The following CTBP2 variants were observed in gnomAD, a reference collection of about 807,000 sequenced individuals.
CTBP2 encodes the protein C-terminal-binding protein 2.
A neutral mutation model predicts 80.3 loss-of-function variants in CTBP2; 30 were observed. That is an observed-to-expected ratio of 0.37 (90% CI 0.28 to 0.51). The LOEUF is 0.51. Among genes scored for constraint, CTBP2 ranks in the 20% least tolerant of loss-of-function variants. The probability of loss-of-function intolerance (pLI) is 0.93; values close to 1 mark genes in which losing one functional copy is unlikely to be tolerated. For synonymous variants in CTBP2, 594 were observed against 587.4 expected (o/e 1.01, Z -0.16); for missense variants, 1,212 against 1,375.3 (o/e 0.88, Z 1.88).
intron 1 of CTBP2, among the ~76,000 whole-genome samples, chr10:125,128,402 G>A (rs1447104208): frequency 8.5e-5 from 13 of 152,196 alleles, no homozygotes; most frequent in African/African-American, 2.7e-4. Context: ...GCAGGGGAAG[G>A]GAGAGACATT....
intron 1 of CTBP2, among the ~76,000 whole-genome samples, chr10:125,005,013 AC>A (rs1955042148): frequency 6.6e-6 from 1 of 152,104 alleles, no homozygotes; most frequent in African/African-American, 2.4e-5. Context: ...CTCCTGCTGG[AC>A]CACCAAGGCT....
chr10:125,125,970 C>A (rs562695130), intron 1 of CTBP2, among the ~76,000 whole-genome samples: 1 of 152,184 alleles, frequency 6.6e-6, no homozygotes, highest in Admixed American at 6.5e-5. Context: ...GCTGAGCATT[C>A]GAGAAACCAA....
intron 2 of CTBP2, among the ~76,000 whole-genome samples, chr10:125,059,424 T>G (rs927918724): frequency 1.3e-4 from 20 of 151,848 alleles, no homozygotes; most frequent in Non-Finnish European, 2.8e-4. Flanking sequence ...CTACTTAAAA[T>G]ACAAAAAATT....
At chr10:125,160,623 TC>T (rs1861786019), upstream of CTBP2, 1 of 19,030 alleles carries the variant, frequency 5.3e-5, no homozygotes, top group African/African-American at 2.2e-4. Context: ...TCCGCTCCCC[TC>T]CCCTCCCCAC....
At chr10:125,035,591 A>T (rs1274314836) in intron 3 of CTBP2, among the ~76,000 whole-genome samples, 1 of 152,248 alleles carries the variant, frequency 6.6e-6, no homozygotes, top group African/African-American at 2.4e-5. Flanking sequence ...AGCAGCTCTA[A>T]CAAAAAGTTA....
At chr10:125,029,133 C>T (rs973094784), upstream of CTBP2, among the ~76,000 whole-genome samples, 6 of 152,114 alleles carry the variant, frequency 3.9e-5, no homozygotes, top group African/African-American at 1.4e-4. Context: ...TGCATACCTG[C>T]AAGCATTAAA....
At chr10:125,014,741 G>C (rs772140347) in intron 1 of CTBP2, among the ~76,000 whole-genome samples, 5 of 152,232 alleles carry the variant, frequency 3.3e-5, no homozygotes, top group Non-Finnish European at 7.3e-5. Flanking sequence ...GTCTCGGGAA[G>C]AATGAGTTTG....
At chr10:124,993,158 A>G (rs1589907405) in intron 7 of CTBP2, 44 bp downstream of exon 9, 1 of 1,574,654 alleles carries the variant, frequency 6.4e-7, no homozygotes, top group Non-Finnish European at 8.7e-7. Context: ...TGCACTGTGG[A>G]GCTGAGGCTG....
chr10:125,026,923 G>C lies in CTBP2; in HGVS notation c.837C>G (p.Thr279=). Reference sequence around the variant, plus strand: ...TCCTCTTGCCACCAGGACCCTGGAAGGTGGACAGGTCAGCTTCGTAAGTCT... The same window carrying C: ...TCCTCTTGCCACCAGGACCCTGGAACGTGGACAGGTCAGCTTCGTAAGTCT... The change falls in exon 1 of 9, where the codon ACC becomes ACG. Residue 279 remains threonine, a synonymous_variant. Transcript: ENST00000309035. 1.2e-6 allele frequency: 2 copies of C among 1,614,080 alleles called. No individual in the cohort carries two copies. The highest frequency in any genetic ancestry group is 8.5e-7 in the Non-Finnish European group (1 of 1,180,022).
At position 124,993,275 on chromosome 10, in the gene CTBP2, A is replaced by G. The variant is rs1364823135; in HGVS notation, c.2586T>C (p.Thr862=). 2.5e-6 allele frequency: 4 copies of G among 1,610,708 alleles called. No individual in the cohort carries two copies. Among genetic ancestry groups the G allele is most frequent in the Non-Finnish European group, 2.5e-6 (3 of 1,177,372 alleles). ...GTGACGCCTGCTCACTGTACCAGGC[A>G]GTGTGAGGAGTGCAGATGAGATTCG... The change falls in exon 7 of 9, where the codon ACT becomes ACC. Residue 862 remains threonine (T), a synonymous_variant. Transcript: ENST00000309035.
chr10:125,026,554 C>G lies in CTBP2; in HGVS notation c.1206G>C (p.Pro402=). ...ATGGTGCGCTGGAGGGACGGCGAGC[C>G]GGGTCTCCAGCTCGGGGGGATGCTG... The change falls in exon 1 of 9, where the codon CCG becomes CCC. Residue 402 remains proline (P), a synonymous_variant. Transcript: ENST00000309035. The G allele has an allele frequency of 6.4e-7, 1 of 1,560,738 alleles. No individual in the cohort carries two copies. Among genetic ancestry groups the G allele is most frequent in the African/African-American group, 1.4e-5 (1 of 71,744 alleles).
In CTBP2 at chr10:125,076,455, G is replaced by A. The variant is rs185556029; in HGVS notation, c.-102+34535C>T. 2.8e-3 allele frequency among the ~76,000 whole-genome samples: 434 copies of A among 152,302 alleles called. 1 individual carries two copies. Among genetic ancestry groups the A allele is most frequent in the African/African-American group, 9.9e-3 (410 of 41,558 alleles). On this transcript the variant is annotated intron_variant, in intron 2 of 10. Coordinates refer to the CTBP2 transcript ENST00000337195. ...GTCCAGAAGATCTCCTCTAGGTTCA[G>A]TTCTGTCCAGGAACACTGTCACCAC...
In CTBP2 at chr10:125,090,285, C is replaced by CAAAAAAAAAAAAAAAAAAAAAAAAAAA. The variant is rs56714830; in HGVS notation, c.-102+20704_-102+20705insTTTTTTTTTTTTTTTTTTTTTTTTTTT. On this transcript the variant is annotated intron_variant, in intron 2 of 10. Transcript: ENST00000337195. ...TCTGGGCGACAGAGAGTCCCTGGCT[C>CAAAAAAAAAAAAAAAAAAAAAAAAAAA]AAAAAAAAAAAAAAAAAGGTTGGGG... 1.8e-4 allele frequency among the ~76,000 whole-genome samples: 12 copies of CAAAAAAAAAAAAAAAAAAAAAAAAAAA among 65,434 alleles called. 3 individuals are homozygous for CAAAAAAAAAAAAAAAAAAAAAAAAAAA. Among genetic ancestry groups the CAAAAAAAAAAAAAAAAAAAAAAAAAAA allele is most frequent in the African/African-American group, 8.3e-4 (12 of 14,492 alleles). The allele number at this position is 65,434 out of a possible 152,430, so 42.9% of individuals were successfully genotyped here. A position where few individuals can be genotyped will look rare whatever the true frequency, so the allele number is the denominator to read the frequency against.
intron 2 of CTBP2, among the ~76,000 whole-genome samples, chr10:125,041,436 C>G (rs1185862857): frequency 1.3e-5 from 2 of 151,698 alleles, no homozygotes; most frequent in African/African-American, 4.8e-5. Context: ...CTAACTATAG[C>G]CAACTTAAGA....
At chr10:125,062,703 A>T (rs1965209901) in intron 2 of CTBP2, among the ~76,000 whole-genome samples, 1 of 152,170 alleles carries the variant, frequency 6.6e-6, no homozygotes, top group African/African-American at 2.4e-5. Flanking sequence ...TCTACTAAAA[A>T]TACAAAAAAT....
chr10:125,081,725 C>T (rs1847200699), intron 2 of CTBP2, among the ~76,000 whole-genome samples: 1 of 151,904 alleles, frequency 6.6e-6, no homozygotes, highest in Non-Finnish European at 1.5e-5. Context: ...GTTTTAGAAT[C>T]AAGATTGACT....
intron 1 of CTBP2, among the ~76,000 whole-genome samples, chr10:125,118,630 C>T (rs1478316994): frequency 6.7e-6 from 1 of 150,290 alleles, no homozygotes; most frequent in African/African-American, 2.4e-5. Context: ...CCCCACACAC[C>T]TGTACCTGAG....
chr10:125,150,825 G>A (rs1173174174), intron 1 of CTBP2, among the ~76,000 whole-genome samples: 1 of 149,786 alleles, frequency 6.7e-6, no homozygotes, highest in African/African-American at 2.5e-5. Flanking sequence ...CTTTTGGAGT[G>A]AATATTCACA....
intron 1 of CTBP2, among the ~76,000 whole-genome samples, chr10:125,144,216 G>C (rs1178045676): frequency 6.6e-6 from 1 of 152,174 alleles, no homozygotes; most frequent in Non-Finnish European, 1.5e-5. Context: ...GGATTCTCCT[G>C]CTTCCCTTCT....
Sources: allele counts gnomAD v4.1 joint callset (sites outside exome capture counted in the v4.1 genomes callset), GRCh38; gene constraint gnomAD v4.1.1; transcripts MANE v1.5; gene names NCBI Gene and HGNC (gene_info 2026-07-23, HGNC 2026-07-21).